The following TENM3 variants were observed in gnomAD, a reference collection of about 807,000 sequenced individuals.
TENM3 encodes the protein teneurin transmembrane protein 3.
A neutral mutation model predicts 255.1 loss-of-function variants in TENM3; 63 were observed. The observed-to-expected ratio is 0.25, with a 90% CI of 0.20 to 0.30. The LOEUF (loss-of-function observed/expected upper bound fraction) is 0.30. TENM3 is among the 10% of genes least tolerant of loss of function. The probability of loss-of-function intolerance (pLI) is 1.00; values close to 1 mark genes in which losing one functional copy is unlikely to be tolerated. For synonymous variants in TENM3, 1,306 were observed against 1,322.3 expected (o/e 0.99, Z 0.27); for missense variants, 2,929 against 3,461.1 (o/e 0.85, Z 3.86).
intron 5 of TENM3, among the ~76,000 whole-genome samples, chr4:182,645,768 A>AAG (rs552132452): frequency 0.047 from 7,156 of 152,258 alleles, 238 homozygotes; most frequent in East Asian, 0.11. Flanking sequence ...AGCAGTCCAA[A>AAG]AGAGAGAGAG....
In TENM3 at chr4:182,569,809, G is replaced by C. The variant is rs191119306; in HGVS notation, c.512-31115G>C. On this transcript the variant is annotated intron_variant, in intron 3 of 27. Transcript: ENST00000511685. Reference sequence around the variant, plus strand: ...TTGTGGTTTACGGGTGAGTAAATTTGATAACTGCTAGTTAGGAAGCCAGAC... The same window carrying C: ...TTGTGGTTTACGGGTGAGTAAATTTCATAACTGCTAGTTAGGAAGCCAGAC... Among the ~76,000 whole-genome samples the C allele has an allele frequency of 1.4e-4, 21 of 152,282 alleles. No individual in the cohort carries two copies. The East Asian group carries it at 4.1e-3, about 29-fold the overall frequency.
At chr4:182,317,884 C>T (rs1762837343) in intron 1 of TENM3, among the ~76,000 whole-genome samples, 2 of 152,016 alleles carry the variant, frequency 1.3e-5, no homozygotes, top group South Asian at 4.1e-4. Flanking sequence ...TTATGGTATG[C>T]AAAGTTGTAT....
chr4:182,151,713 C>T (rs1372404577), intron 1 of TENM3, among the ~76,000 whole-genome samples: 1 of 151,826 alleles, frequency 6.6e-6, no homozygotes, highest in Non-Finnish European at 1.5e-5. Flanking sequence ...GCATCTTGGG[C>T]AGTGTTATTA....
chr4:182,198,721 C>T (rs1434214656), intron 1 of TENM3, among the ~76,000 whole-genome samples: 1 of 152,170 alleles, frequency 6.6e-6, no homozygotes, highest in African/African-American at 2.4e-5. Flanking sequence ...GTTTTCAGCT[C>T]CTGGCTCAGG....
chr4:182,516,134 T>C (rs998031199), intron 3 of TENM3, among the ~76,000 whole-genome samples: 1 of 152,226 alleles, frequency 6.6e-6, no homozygotes, highest in African/African-American at 2.4e-5. Context: ...TAATTTGTTG[T>C]GGGAGAATGC....
chr4:182,298,993 A>AAAAAAAAAAAAAAAAAC, intron 1 of TENM3, among the ~76,000 whole-genome samples: 1 of 95,924 alleles, frequency 1.0e-5, no homozygotes, highest in Non-Finnish European at 2.0e-5. Context: ...TCAAAAAAAA[A>AAAAAAAAAAAAAAAAAC]AAAAAAAAAA....
At chr4:182,164,631 A>G (rs1368978297) in intron 1 of TENM3, among the ~76,000 whole-genome samples, 1 of 152,224 alleles carries the variant, frequency 6.6e-6, no homozygotes, top group Non-Finnish European at 1.5e-5. Context: ...AATGGAAGAC[A>G]TGATATGTGT....
chr4:182,094,667 C>A, the TENM3 span, among the ~76,000 whole-genome samples: 14 of 152,224 alleles, frequency 9.2e-5, no homozygotes, highest in East Asian at 3.9e-4. Flanking sequence ...TAGAATAATA[C>A]CCCAACAGAC....
chr4:181,481,717 C>G, the TENM3 span, among the ~76,000 whole-genome samples: 10 of 152,172 alleles, frequency 6.6e-5, no homozygotes, highest in Admixed American at 5.2e-4. Context: ...AGGTCTATTG[C>G]TCACTCTCTG....
chr4:182,528,806 G>A (rs1652984088), intron 3 of TENM3, among the ~76,000 whole-genome samples: 1 of 152,206 alleles, frequency 6.6e-6, no homozygotes, highest in South Asian at 2.1e-4. Flanking sequence ...TTAAAAAATA[G>A]CAAAAATATC....
At chr4:182,331,719 C>A (rs1019521287) in intron 2 of TENM3, among the ~76,000 whole-genome samples, 19 of 152,082 alleles carry the variant, frequency 1.2e-4, no homozygotes, top group African/African-American at 4.6e-4. Flanking sequence ...GTATTAATAT[C>A]AGGAAAGATG....
intron 1 of TENM3, among the ~76,000 whole-genome samples, chr4:182,267,840 C>A (rs1003756748): frequency 2.6e-5 from 4 of 151,930 alleles, no homozygotes; most frequent in African/African-American, 4.8e-5. Flanking sequence ...AAATGGGAAA[C>A]CAGAAAGAGA....
At chr4:182,520,203 G>A (rs1039318566) in intron 3 of TENM3, among the ~76,000 whole-genome samples, 5 of 151,920 alleles carry the variant, frequency 3.3e-5, no homozygotes, top group Non-Finnish European at 7.4e-5. Context: ...AAAATCTTAA[G>A]GAATCTTTAA....
the TENM3 span, among the ~76,000 whole-genome samples, chr4:181,734,325 C>T: frequency 6.6e-6 from 1 of 150,694 alleles, no homozygotes; most frequent in Non-Finnish European, 1.5e-5. Flanking sequence ...TTTTTTAATC[C>T]CCAGAACACA....
chr4:182,543,790 CTATTT>C (rs1467170070), intron 3 of TENM3, among the ~76,000 whole-genome samples: 2 of 151,748 alleles, frequency 1.3e-5, no homozygotes, highest in African/African-American at 4.8e-5. Context: ...GTCAGCTACT[CTATTT>C]TAAGTGCTTT....
chr4:181,779,648 T>TTTA, the TENM3 span, among the ~76,000 whole-genome samples: 9,491 of 152,064 alleles, frequency 0.062, 596 homozygotes, highest in African/African-American at 0.16. Context: ...ATATTCTTTT[T>TTTA]TTATTATAGT....
the TENM3 span, among the ~76,000 whole-genome samples, chr4:181,788,095 G>C: frequency 1.3e-5 from 2 of 151,964 alleles, no homozygotes; most frequent in African/African-American, 4.8e-5. Flanking sequence ...TCATCATATT[G>C]GTTCAGAATA....
the TENM3 span, among the ~76,000 whole-genome samples, chr4:181,773,899 G>C: frequency 4.0e-5 from 6 of 151,672 alleles, no homozygotes; most frequent in South Asian, 8.3e-4. Context: ...AGTATTCCCC[G>C]TGAAGAAATA....
At chr4:182,234,977 G>A (rs1252540265) in intron 1 of TENM3, among the ~76,000 whole-genome samples, 2 of 152,066 alleles carry the variant, frequency 1.3e-5, no homozygotes, top group East Asian at 3.9e-4. Context: ...GGCCTGGGAA[G>A]GACATTTTAG....
Sources: allele counts gnomAD v4.1 joint callset (sites outside exome capture counted in the v4.1 genomes callset), GRCh38; gene constraint gnomAD v4.1.1; transcripts MANE v1.5; gene names NCBI Gene and HGNC (gene_info 2026-07-23, HGNC 2026-07-21).